The following EXOC4 variants were observed in gnomAD, a reference collection of about 807,000 sequenced individuals.
EXOC4 encodes the protein SEC8-like 1.
A neutral mutation model predicts 107.2 loss-of-function variants in EXOC4; 71 were observed. That is an observed-to-expected ratio of 0.66 (90% CI 0.55 to 0.81). The LOEUF (loss-of-function observed/expected upper bound fraction) is 0.81, where lower values mean the gene tolerates loss of function less well. EXOC4 is among the 30% of genes least tolerant of loss of function. EXOC4 has a pLI of 0.00. For synonymous variants in EXOC4, 456 were observed against 441.2 expected (o/e 1.03, Z -0.42); for missense variants, 1,108 against 1,189.6 (o/e 0.93, Z 1.01).
chr7:133,489,583 C>T (rs1364840629), intron 9 of EXOC4, among the ~76,000 whole-genome samples: 4 of 152,176 alleles, frequency 2.6e-5, no homozygotes, highest in South Asian at 4.1e-4. Context: ...CTGCTCCCTC[C>T]ATCATCCTCC....
chr7:133,369,097 A>G (rs1452046784), intron 6 of EXOC4, among the ~76,000 whole-genome samples: 19 of 152,214 alleles, frequency 1.2e-4, no homozygotes, highest in Admixed American at 1.2e-3. Flanking sequence ...GTCTGCAGCT[A>G]AAGGCAAACA....
intron 7 of EXOC4, among the ~76,000 whole-genome samples, chr7:133,406,750 C>T (rs894700195): frequency 3.9e-5 from 6 of 152,208 alleles, no homozygotes; most frequent in Non-Finnish European, 1.5e-5. Flanking sequence ...ATTTAGGCAA[C>T]AGTCATTGAT....
In EXOC4 at chr7:134,018,468, C is replaced by A. The variant is rs537437452; in HGVS notation, c.2687+10633C>A. On this transcript the variant is annotated intron_variant, in intron 17 of 17. Coordinates refer to ENST00000253861, the MANE Select transcript of EXOC4 (RefSeq NM_021807.4). ...TCCCACCTCCTGCTTTACTGAACAC[C>A]CTTTGCTGATCCAAACAGAAAAAGA... Among the ~76,000 whole-genome samples, 107 of 152,190 alleles carry A rather than the reference C, an allele frequency of 7.0e-4. 1 individual carries two copies. Among genetic ancestry groups the A allele is most frequent in the Non-Finnish European group, 1.3e-3 (86 of 68,012 alleles).
At chr7:133,711,214 TG>T (rs1794886601) in intron 10 of EXOC4, among the ~76,000 whole-genome samples, 1 of 152,342 alleles carries the variant, frequency 6.6e-6, no homozygotes, top group Admixed American at 6.5e-5. Flanking sequence ...AGAGTTTTAC[TG>T]TATGATATTG....
chr7:133,501,422 G>T (rs1297529471), intron 9 of EXOC4, among the ~76,000 whole-genome samples: 1 of 152,118 alleles, frequency 6.6e-6, no homozygotes, highest in Non-Finnish European at 1.5e-5. Context: ...TTAATCAAAG[G>T]GCTGCTGGTG....
rs1377238538 is a variant in EXOC4 at position 133,779,361 on chromosome 7, A to G, written c.1515-37964A>G. 2.6e-5 allele frequency among the ~76,000 whole-genome samples: 4 copies of G among 152,214 alleles called. 1 individual carries two copies. The highest frequency in any genetic ancestry group is 9.6e-5 in the African/African-American group (4 of 41,538). On this transcript the variant is annotated intron_variant, in intron 10 of 17. Transcript: ENST00000253861. ...AACTCTTATTTTTGCCGCAGTGTTG[A>G]GAAGTACGGATTTATGATACTATAA...
chr7:133,882,303 T>C (rs1798982755), intron 11 of EXOC4, among the ~76,000 whole-genome samples: 1 of 152,240 alleles, frequency 6.6e-6, no homozygotes, highest in Non-Finnish European at 1.5e-5. Flanking sequence ...GAACATAAAG[T>C]TTTGTTTGAG....
chr7:134,021,055 A>G (rs1386488542), intron 17 of EXOC4, among the ~76,000 whole-genome samples: 3 of 152,078 alleles, frequency 2.0e-5, no homozygotes, highest in African/African-American at 4.8e-5. Context: ...GGACTTGCCT[A>G]GAGTTCCATG....
chr7:133,329,583 C>T (rs557109879), intron 5 of EXOC4, among the ~76,000 whole-genome samples: 14 of 152,300 alleles, frequency 9.2e-5, no homozygotes, highest in South Asian at 2.1e-4. Context: ...TCTTTGAAGT[C>T]GGTGACCTTC....
intron 17 of EXOC4, among the ~76,000 whole-genome samples, chr7:134,011,706 A>G (rs1463275688): frequency 6.6e-6 from 1 of 151,974 alleles, no homozygotes; most frequent in Non-Finnish European, 1.5e-5. Context: ...TGAAACTTGC[A>G]TTACTGTGGG....
At chr7:133,960,437 C>A (rs1266870564) in intron 14 of EXOC4, among the ~76,000 whole-genome samples, 2 of 152,150 alleles carry the variant, frequency 1.3e-5, no homozygotes, top group East Asian at 3.8e-4. Context: ...AGTACCAATT[C>A]TTTGAATGTC....
At chr7:133,806,269 C>G (rs1210516675) in intron 10 of EXOC4, among the ~76,000 whole-genome samples, 1 of 152,126 alleles carries the variant, frequency 6.6e-6, no homozygotes, top group African/African-American at 2.4e-5. Context: ...GATTTTTAAG[C>G]TTGAGCTTAG....
At chr7:133,961,909 G>A (rs996878694) in intron 14 of EXOC4, among the ~76,000 whole-genome samples, 1 of 152,172 alleles carries the variant, frequency 6.6e-6, no homozygotes, top group Non-Finnish European at 1.5e-5. Flanking sequence ...CTCTAATGTG[G>A]TACCTCATCT....
At chr7:133,967,247 T>G (rs1801092601) in intron 14 of EXOC4, among the ~76,000 whole-genome samples, 1 of 151,434 alleles carries the variant, frequency 6.6e-6, no homozygotes, top group African/African-American at 2.4e-5. Context: ...CTATCTATTT[T>G]GTTAATCTTC....
In EXOC4 at chr7:134,015,873, CAAA is replaced by C. The variant is rs55846835; in HGVS notation, c.2687+8054_2687+8056del. ...CTAGAGACAGAGCAAGACTCCGTCT[CAAA>C]AAAAAAAAAAAAAAAGTGATGTGTA... On this transcript the variant is annotated intron_variant, in intron 17 of 17. Transcript: ENST00000253861. Among the ~76,000 whole-genome samples, 57 of 109,678 alleles carry C rather than the reference CAAA, an allele frequency of 5.2e-4. No homozygotes were observed. In the South Asian group the frequency reaches 6.6e-3, roughly 13 times the overall value. 72.0% of individuals were successfully genotyped at this position (109,678 alleles called of 152,430 possible).
At chr7:133,732,299 G>C (rs1795344777) in intron 10 of EXOC4, among the ~76,000 whole-genome samples, 1 of 152,192 alleles carries the variant, frequency 6.6e-6, no homozygotes, top group Admixed American at 6.5e-5. Context: ...TATGGAGGGA[G>C]GGAGAGCATC....
At chr7:133,919,937 A>C (rs780538251) in intron 13 of EXOC4, among the ~76,000 whole-genome samples, 78 of 152,188 alleles carry the variant, frequency 5.1e-4, no homozygotes, top group Non-Finnish European at 9.6e-4. Flanking sequence ...AGGGCAAAAT[A>C]TGTTTAGTTG....
chr7:134,053,414 A>T (rs1034450611), intron 17 of EXOC4, among the ~76,000 whole-genome samples: 1 of 152,054 alleles, frequency 6.6e-6, no homozygotes, highest in Non-Finnish European at 1.5e-5. Context: ...CTTTTCTCAG[A>T]TGAAGAGAAT....
At chr7:133,409,402 C>G (rs1004978814) in intron 7 of EXOC4, among the ~76,000 whole-genome samples, 2 of 152,198 alleles carry the variant, frequency 1.3e-5, no homozygotes, top group Non-Finnish European at 2.9e-5. Context: ...CCTCCACCCT[C>G]CATCTTCTCA....
Sources: gnomAD v4.1 joint callset for allele counts (sites outside exome capture counted in the v4.1 genomes callset) on GRCh38, gnomAD v4.1.1 for gene constraint, MANE v1.5 for transcripts, NCBI Gene and HGNC (gene_info 2026-07-23, HGNC 2026-07-21) for gene names.